Variants in ANKS1B observed in about 807,000 individuals in gnomAD.
ANKS1B encodes ankyrin repeat and sterile alpha motif domain containing 1B.
Under a neutral mutation model 148.3 loss-of-function variants are expected in ANKS1B, and 36 were observed. The observed-to-expected ratio is 0.24, with a 90% CI of 0.19 to 0.32. The LOEUF (loss-of-function observed/expected upper bound fraction) is 0.32, where lower values mean the gene tolerates loss of function less well. Ranked by LOEUF, ANKS1B falls within the 10% of genes least tolerant of loss-of-function variation. ANKS1B has a pLI of 1.00. For missense variants in ANKS1B, 1,157 were observed against 1,542.6 expected (o/e 0.75, Z 4.19); for synonymous variants, 542 against 560.8 (o/e 0.97, Z 0.47).
At chr12:99,479,093 T>C (rs555777777) in intron 10 of ANKS1B, among the ~76,000 whole-genome samples, 1 of 152,212 alleles carries the variant, frequency 6.6e-6, no homozygotes, top group East Asian at 1.9e-4. Flanking sequence ...ATTCAGACAG[T>C]AAACTTTAAT....
chr12:99,694,562 T>G (rs1313697505), intron 8 of ANKS1B, among the ~76,000 whole-genome samples: 1 of 151,876 alleles, frequency 6.6e-6, no homozygotes, highest in Non-Finnish European at 1.5e-5. Flanking sequence ...CTGTAAAAGA[T>G]AAATAAAACC....
At chr12:99,220,049 G>C (rs138077596) in intron 14 of ANKS1B, among the ~76,000 whole-genome samples, 6 of 152,228 alleles carry the variant, frequency 3.9e-5, no homozygotes, top group Admixed American at 1.3e-4. Flanking sequence ...GCCCAGGTTG[G>C]AGTGCAGTGG....
chr12:99,720,774 T>A (rs2057999029), intron 8 of ANKS1B, among the ~76,000 whole-genome samples: 1 of 152,130 alleles, frequency 6.6e-6, no homozygotes, highest in African/African-American at 2.4e-5. Flanking sequence ...TCACCCCTAC[T>A]ATCTTCTGTC....
chr12:99,792,136 A>G (rs976950623), intron 4 of ANKS1B, among the ~76,000 whole-genome samples: 4 of 151,992 alleles, frequency 2.6e-5, no homozygotes, highest in Admixed American at 1.3e-4. Flanking sequence ...AATAAATGGA[A>G]AAATCTAGAA....
intron 10 of ANKS1B, among the ~76,000 whole-genome samples, chr12:99,464,282 A>C: frequency 6.6e-6 from 1 of 152,058 alleles, no homozygotes; most frequent in East Asian, 1.9e-4. Context: ...CACACCAAAA[A>C]CCCATCTGTA....
chr12:99,967,827 A>C (rs930715332), intron 1 of ANKS1B, among the ~76,000 whole-genome samples: 15 of 151,264 alleles, frequency 9.9e-5, no homozygotes, highest in African/African-American at 3.6e-4. Flanking sequence ...GAATCGCTTG[A>C]ACCCAGGAGG....
At chr12:99,873,240 A>T (rs1223780951) in intron 1 of ANKS1B, among the ~76,000 whole-genome samples, 2 of 152,192 alleles carry the variant, frequency 1.3e-5, no homozygotes, top group Non-Finnish European at 2.9e-5. Flanking sequence ...ATTTGTGAGC[A>T]TGAGGAAGAC....
intron 9 of ANKS1B, among the ~76,000 whole-genome samples, chr12:99,559,805 A>G (rs770522485): frequency 6.6e-6 from 1 of 152,234 alleles, no homozygotes; most frequent in Non-Finnish European, 1.5e-5. Flanking sequence ...GATGGTGAAG[A>G]TAAGTATTGC....
At chr12:99,079,198 C>T (rs551295302) in intron 16 of ANKS1B, among the ~76,000 whole-genome samples, 2 of 152,254 alleles carry the variant, frequency 1.3e-5, no homozygotes, top group East Asian at 3.9e-4. Flanking sequence ...ATTCCTGACC[C>T]ACAGAAATTG....
At chr12:99,643,693 A>G (rs894846448) in intron 9 of ANKS1B, among the ~76,000 whole-genome samples, 2 of 152,200 alleles carry the variant, frequency 1.3e-5, no homozygotes, top group African/African-American at 4.8e-5. Flanking sequence ...AAGCTACCAA[A>G]GTCTCCGCTA....
intron 14 of ANKS1B, among the ~76,000 whole-genome samples, chr12:99,204,566 CA>C (rs747436878): frequency 1.3e-5 from 2 of 152,200 alleles, no homozygotes; most frequent in Non-Finnish European, 2.9e-5. Flanking sequence ...ACAATAATTA[CA>C]GCCACCTGAA....
chr12:99,910,046 A>G (rs2093944397), intron 1 of ANKS1B, among the ~76,000 whole-genome samples: 1 of 152,172 alleles, frequency 6.6e-6, no homozygotes, highest in African/African-American at 2.4e-5. Context: ...AGCTGTAAAA[A>G]GATCCATATA....
intron 10 of ANKS1B, among the ~76,000 whole-genome samples, chr12:99,452,842 A>G (rs1183904735): frequency 6.6e-6 from 1 of 152,234 alleles, no homozygotes; most frequent in Non-Finnish European, 1.5e-5. Flanking sequence ...AGTGTTAAAT[A>G]TTCAAGTCTT....
At chr12:99,910,612 A>T (rs1265154337) in intron 1 of ANKS1B, among the ~76,000 whole-genome samples, 1 of 152,200 alleles carries the variant, frequency 6.6e-6, no homozygotes, top group Non-Finnish European at 1.5e-5. Context: ...CGATGAACAT[A>T]TTCTAAAATT....
intron 8 of ANKS1B, among the ~76,000 whole-genome samples, chr12:99,668,994 A>G (rs1216462214): frequency 2.0e-5 from 3 of 151,988 alleles, no homozygotes; most frequent in Non-Finnish European, 2.9e-5. Flanking sequence ...GAACTCTTTT[A>G]TATCTACATT....
At chr12:99,022,150 C>T (rs1249922519) in intron 17 of ANKS1B, among the ~76,000 whole-genome samples, 2 of 152,200 alleles carry the variant, frequency 1.3e-5, no homozygotes, top group African/African-American at 4.8e-5. Flanking sequence ...CCCCATCTCT[C>T]AGTTGTTTTG....
chr12:99,682,872 A>C (rs1409970700), intron 8 of ANKS1B, among the ~76,000 whole-genome samples: 1 of 152,202 alleles, frequency 6.6e-6, no homozygotes, highest in African/African-American at 2.4e-5. Context: ...TGAGTGTATT[A>C]GTCCCTTTTC....
At chr12:98,972,330 G>C (rs182494803) in intron 17 of ANKS1B, among the ~76,000 whole-genome samples, 2 of 152,328 alleles carry the variant, frequency 1.3e-5, no homozygotes, top group East Asian at 1.9e-4. Context: ...ATGGTTTTGA[G>C]ATAGGTTTAT....
intron 12 of ANKS1B, among the ~76,000 whole-genome samples, chr12:99,367,058 C>G (rs1593195832): frequency 6.6e-6 from 1 of 152,100 alleles, no homozygotes; most frequent in African/African-American, 2.4e-5. Flanking sequence ...TGGCCTCTAC[C>G]TACTAAATGC....
Sources: gnomAD v4.1 joint callset for allele counts (sites outside exome capture counted in the v4.1 genomes callset) on GRCh38, gnomAD v4.1.1 for gene constraint, MANE v1.5 for transcripts, NCBI Gene and HGNC (gene_info 2026-07-23, HGNC 2026-07-21) for gene names.